GPC3: variants seen among roughly 807,000 people sequenced by gnomAD.
GPC3 encodes glypican 3.
GPC3 carries 3 observed loss-of-function variants against 34.4 expected under a neutral mutation model. That is an observed-to-expected ratio of 0.09 (90% confidence interval 0.04 to 0.23). The LOEUF (loss-of-function observed/expected upper bound fraction) is 0.23. Among genes scored for constraint, GPC3 ranks in the 10% least tolerant of loss-of-function variants. The pLI, the probability that GPC3 is intolerant of heterozygous loss-of-function variation, is 1.00. For missense variants in GPC3, 351 were observed against 445.6 expected, an observed-to-expected ratio of 0.79 and a Z score of 1.91; for synonymous variants, 177 against 174.0, an observed-to-expected ratio of 1.02 and a Z score of -0.13.
chrX:133,914,833 A>T (rs1233470310), intron 2 of GPC3, among the ~76,000 whole-genome samples: 1 of 104,473 alleles, frequency 9.6e-6, no homozygotes, highest in Non-Finnish European at 1.9e-5. Context: ...TTTTTGAAAA[A>T]TTCAGAAAAT....
chrX:133,702,184 C>T (rs1242413008), intron 3 of GPC3, among the ~76,000 whole-genome samples: 2 of 111,820 alleles, frequency 1.8e-5, no homozygotes, highest in East Asian at 5.6e-4. Flanking sequence ...CAATCATTTT[C>T]AAAGCATATA....
intron 7 of GPC3, among the ~76,000 whole-genome samples, chrX:133,589,934 T>C (rs1032360956): frequency 1.8e-5 from 2 of 111,331 alleles, no homozygotes; most frequent in Non-Finnish European, 3.8e-5. Flanking sequence ...CCATCCAAAA[T>C]TCATGTTGAA....
intron 7 of GPC3, among the ~76,000 whole-genome samples, chrX:133,590,543 T>A (rs2069837128): frequency 8.9e-6 from 1 of 111,767 alleles, no homozygotes. Context: ...TTGAGGTGAA[T>A]AATTTTATAA....
At chrX:133,657,398 A>G (rs1282214934) in intron 6 of GPC3, among the ~76,000 whole-genome samples, 1 of 111,850 alleles carries the variant, frequency 8.9e-6, no homozygotes, top group Non-Finnish European at 1.9e-5. Flanking sequence ...AGGAGCCTGG[A>G]GCAGAATGAT....
At chrX:133,954,116 G>A (rs1394678246) in intron 1 of GPC3, among the ~76,000 whole-genome samples, 2 of 111,904 alleles carry the variant, frequency 1.8e-5, no homozygotes, top group Non-Finnish European at 3.8e-5. Flanking sequence ...CTAAAAAACA[G>A]AAACTAATCT....
intron 6 of GPC3, among the ~76,000 whole-genome samples, chrX:133,632,110 A>AATT (rs1272169525): frequency 9.2e-6 from 1 of 108,264 alleles, no homozygotes; most frequent in African/African-American, 3.5e-5. Flanking sequence ...TTTTTAAAAA[A>AATT]TTTTTTTGAG....
chrX:133,660,616 T>C (rs2070707039), intron 6 of GPC3, among the ~76,000 whole-genome samples: 1 of 112,243 alleles, frequency 8.9e-6, no homozygotes, highest in Admixed American at 9.5e-5. Flanking sequence ...GTCTTGCTGG[T>C]GGCAGTGAAA....
At chrX:133,899,424 C>T (rs2076134618) in intron 2 of GPC3, among the ~76,000 whole-genome samples, 1 of 111,754 alleles carries the variant, frequency 8.9e-6, no homozygotes, top group African/African-American at 3.3e-5. Context: ...ACACATCTAC[C>T]TTGTTCCAGC....
At chrX:133,748,826 G>A (rs889429671) in intron 3 of GPC3, among the ~76,000 whole-genome samples, 3 of 111,745 alleles carry the variant, frequency 2.7e-5, no homozygotes, top group African/African-American at 9.8e-5. Context: ...AAGAATTCAA[G>A]GTCCTAGCTT....
At chrX:133,741,651 C>A (rs2071565306) in intron 3 of GPC3, among the ~76,000 whole-genome samples, 1 of 112,239 alleles carries the variant, frequency 8.9e-6, no homozygotes, top group African/African-American at 3.3e-5. Flanking sequence ...CCAAGTCTCT[C>A]TGTCTCAGTT....
intron 2 of GPC3, among the ~76,000 whole-genome samples, chrX:133,937,941 T>C (rs1034126944): frequency 1.8e-5 from 2 of 111,935 alleles, no homozygotes; most frequent in Admixed American, 1.9e-4. Context: ...ATAGATCCAA[T>C]GATCATCTCT....
Position 133,838,942 on chromosome X carries a change from G to A in GPC3, c.338-84766C>T, listed in dbSNP as rs1279889202. ...AGGGAGCAGACTTCAACAGGCAGCT[G>A]ATCCAATTCCCCCACACGGTGGCAA... is the stretch of plus-strand genomic sequence containing the variant. On this transcript the variant is annotated intron_variant, in intron 2 of 7. Coordinates refer to ENST00000370818, the MANE Select transcript of GPC3 (RefSeq NM_004484.4). Among the ~76,000 whole-genome samples the A allele has an allele frequency of 2.7e-5, 3 of 111,569 alleles. No homozygotes were observed. In the East Asian group the frequency reaches 8.5e-4, roughly 32 times the overall value.
chrX:133,541,585 C>T (rs937073218), intron 7 of GPC3, among the ~76,000 whole-genome samples: 1 of 112,406 alleles, frequency 8.9e-6, no homozygotes, highest in Non-Finnish European at 1.9e-5. Flanking sequence ...ACTAATTACA[C>T]ATTCAGCCCC....
chrX:133,615,755 CA>C (rs1257051523), intron 6 of GPC3, among the ~76,000 whole-genome samples: 1 of 84,184 alleles, frequency 1.2e-5, no homozygotes, highest in Non-Finnish European at 2.4e-5. Context: ...AGGTATAATA[CA>C]AAAAAAAAGA....
chrX:133,584,776 G>C (rs2069769033), intron 7 of GPC3, among the ~76,000 whole-genome samples: 1 of 110,593 alleles, frequency 9.0e-6, no homozygotes, highest in African/African-American at 3.3e-5. Context: ...ACTGTGCCTG[G>C]CCTTCTACTC....
At chrX:133,605,622 T>C (rs2070041107) in intron 6 of GPC3, among the ~76,000 whole-genome samples, 1 of 112,136 alleles carries the variant, frequency 8.9e-6, no homozygotes, top group Non-Finnish European at 1.9e-5. Flanking sequence ...GGAAAGGTAA[T>C]AAGTTATTGG....
chrX:133,578,745 C>G (rs913894424), intron 7 of GPC3, among the ~76,000 whole-genome samples: 2 of 111,090 alleles, frequency 1.8e-5, no homozygotes, highest in Non-Finnish European at 3.8e-5. Context: ...TTGAAGGCAG[C>G]AAACCAGAAT....
intron 2 of GPC3, among the ~76,000 whole-genome samples, chrX:133,765,525 C>T (rs2071836947): frequency 1.8e-5 from 2 of 111,564 alleles, no homozygotes; most frequent in Non-Finnish European, 3.8e-5. Flanking sequence ...ATCCTGTAGT[C>T]ATTGAAAAGA....
At chrX:133,901,770 A>G (rs1971871164) in intron 2 of GPC3, among the ~76,000 whole-genome samples, 1 of 112,160 alleles carries the variant, frequency 8.9e-6, no homozygotes, top group Admixed American at 9.5e-5. Context: ...AAAGTTATAC[A>G]CCTGAAGAGG....
Sources: allele counts gnomAD v4.1 joint callset (sites outside exome capture counted in the v4.1 genomes callset), GRCh38; gene constraint gnomAD v4.1.1; transcripts MANE v1.5; gene names NCBI Gene and HGNC (gene_info 2026-07-23, HGNC 2026-07-21).